The following CCDC192 variants were observed in gnomAD, a reference collection of about 807,000 sequenced individuals.
CCDC192 encodes the protein coiled-coil domain-containing protein 192.
chr5:127,741,069 CATT>C (rs772428641), intron 2 of CCDC192, among the ~76,000 whole-genome samples: 4 of 151,950 alleles, frequency 2.6e-5, no homozygotes, highest in Admixed American at 6.6e-5. Flanking sequence ...TTGTTGTCGT[CATT>C]GTTGTTGAGA....
At chr5:127,823,855 G>T (rs756205417) in intron 5 of CCDC192, among the ~76,000 whole-genome samples, 1 of 152,188 alleles carries the variant, frequency 6.6e-6, no homozygotes, top group Non-Finnish European at 1.5e-5. Flanking sequence ...CTACACAAAA[G>T]AATCATTATT....
At chr5:127,710,695 A>T (rs927061786) in intron 2 of CCDC192, among the ~76,000 whole-genome samples, 1 of 152,152 alleles carries the variant, frequency 6.6e-6, no homozygotes, top group Non-Finnish European at 1.5e-5. Flanking sequence ...AGAGCAGCCC[A>T]TGAGGGTGGT....
chr5:127,880,255 T>C (rs1342503516), intron 6 of CCDC192, among the ~76,000 whole-genome samples: 1 of 151,830 alleles, frequency 6.6e-6, no homozygotes, highest in Non-Finnish European at 1.5e-5. Context: ...ATATACACCA[T>C]GGAATACTAT....
At chr5:127,882,874 T>G (rs1474671224) in intron 6 of CCDC192, among the ~76,000 whole-genome samples, 3 of 152,356 alleles carry the variant, frequency 2.0e-5, no homozygotes, top group East Asian at 3.9e-4. Flanking sequence ...TCTCCCAGCC[T>G]AGCTCTTTCA....
At chr5:127,714,949 C>A (rs1370535405) in intron 2 of CCDC192, among the ~76,000 whole-genome samples, 1 of 141,186 alleles carries the variant, frequency 7.1e-6, no homozygotes, top group African/African-American at 2.7e-5. Flanking sequence ...AGGTCTTTTG[C>A]CCATTTATAA....
intron 3 of CCDC192, among the ~76,000 whole-genome samples, chr5:127,794,281 G>C (rs1000670192): frequency 1.3e-5 from 2 of 152,096 alleles, no homozygotes; most frequent in Non-Finnish European, 2.9e-5. Context: ...GTCAAATTTG[G>C]GTGTAGGGAG....
At chr5:127,894,481 G>A (rs770691263) in intron 6 of CCDC192, among the ~76,000 whole-genome samples, 12 of 151,912 alleles carry the variant, frequency 7.9e-5, no homozygotes, top group Admixed American at 3.3e-4. Context: ...GTGAGCCACC[G>A]CGCCTGGCCA....
intron 2 of CCDC192, among the ~76,000 whole-genome samples, chr5:127,709,064 C>G (rs777192762): frequency 6.9e-5 from 10 of 144,698 alleles, no homozygotes; most frequent in Non-Finnish European, 1.5e-4. Flanking sequence ...ATTAGGCTTT[C>G]GGAAAGGGGT....
In CCDC192 at chr5:127,785,839, G is replaced by T. The variant is rs994020216; in HGVS notation, c.223-11264G>T. On this transcript the variant is annotated intron_variant, in intron 3 of 6. Coordinates refer to ENST00000514853, the MANE Select transcript of CCDC192 (RefSeq NM_001317938.2). ...AGGCCATCTTGGTAACCGCATTGTTGTTTATGAAGCAACCACAACCTTGTC... is the reference window on the plus strand; with the variant it reads ...AGGCCATCTTGGTAACCGCATTGTTTTTTATGAAGCAACCACAACCTTGTC... 4.5e-5 allele frequency: 16 copies of T among 352,860 alleles called. No individual in the cohort carries two copies. The South Asian group carries it at 5.0e-4, about 11-fold the overall frequency. The allele number at this position is 352,860 out of a possible 1,614,324, so 21.9% of individuals were successfully genotyped here.
At chr5:127,744,785 T>C (rs1206140855) in intron 2 of CCDC192, among the ~76,000 whole-genome samples, 2 of 152,182 alleles carry the variant, frequency 1.3e-5, no homozygotes, top group Non-Finnish European at 2.9e-5. Context: ...TTTAAAGGAA[T>C]TGGGATAATG....
At chr5:127,862,546 T>C (rs1751411766) in intron 5 of CCDC192, among the ~76,000 whole-genome samples, 1 of 152,164 alleles carries the variant, frequency 6.6e-6, no homozygotes, top group Admixed American at 6.5e-5. Context: ...CCCCAAACTC[T>C]GACTGAGTAG....
intron 3 of CCDC192, among the ~76,000 whole-genome samples, chr5:127,783,537 T>C (rs1171562067): frequency 6.6e-6 from 1 of 152,230 alleles, no homozygotes; most frequent in African/African-American, 2.4e-5. Flanking sequence ...TTTTGTGGCC[T>C]ATTATATGGT....
intron 2 of CCDC192, chr5:127,740,103 C>G (rs1203629810): frequency 6.6e-6 from 1 of 152,236 alleles, no homozygotes; most frequent in Admixed American, 6.5e-5. Flanking sequence ...ATTATCCAAA[C>G]AGAGAACGAC....
chr5:127,820,445 G>A (rs2127018447), intron 5 of CCDC192, among the ~76,000 whole-genome samples: 1 of 152,266 alleles, frequency 6.6e-6, no homozygotes, highest in South Asian at 2.1e-4. Context: ...ACTGGGCATG[G>A]TGGCACATGC....
chr5:127,790,391 A>G (rs1373670126), intron 3 of CCDC192, among the ~76,000 whole-genome samples: 1 of 152,230 alleles, frequency 6.6e-6, no homozygotes, highest in Non-Finnish European at 1.5e-5. Flanking sequence ...ATATATGTAT[A>G]CAATGTGTAA....
At chr5:127,799,990 C>G (rs1359817108) in intron 5 of CCDC192, among the ~76,000 whole-genome samples, 2 of 152,032 alleles carry the variant, frequency 1.3e-5, no homozygotes, top group Non-Finnish European at 2.9e-5. Flanking sequence ...TAAATCTCAA[C>G]ACAACCCAGC....
intron 6 of CCDC192, among the ~76,000 whole-genome samples, chr5:127,932,350 A>G (rs1197448816): frequency 6.6e-6 from 1 of 151,868 alleles, no homozygotes; most frequent in Admixed American, 6.5e-5. Flanking sequence ...GACTACAGGC[A>G]TGCGCCACCA....
chr5:127,843,029 G>GTTTTTTTTTTTTTTTTTTTTTT, intron 5 of CCDC192, among the ~76,000 whole-genome samples: 1 of 91,766 alleles, frequency 1.1e-5, no homozygotes, highest in Non-Finnish European at 2.0e-5. Context: ...TTTTAGTCAA[G>GTTTTTTTTTTTTTTTTTTTTTT]TTTTTTTTTT....
chr5:127,884,955 G>A (rs1196886768), intron 6 of CCDC192, among the ~76,000 whole-genome samples: 1 of 151,904 alleles, frequency 6.6e-6, no homozygotes, highest in Non-Finnish European at 1.5e-5. Context: ...TTTTGGTTGG[G>A]GTCCAGTGTT....
Sources: allele counts gnomAD v4.1 joint callset (sites outside exome capture counted in the v4.1 genomes callset), GRCh38; gene constraint gnomAD v4.1.1; transcripts MANE v1.5; gene names NCBI Gene and HGNC (gene_info 2026-07-23, HGNC 2026-07-21).